The following RAD51B variants were observed in gnomAD, a reference collection of about 807,000 sequenced individuals.
RAD51B encodes RAD51 paralog B.
A neutral mutation model predicts 42.2 loss-of-function variants in RAD51B; 38 were observed. The observed-to-expected ratio is 0.90, with a 90% CI of 0.70 to 1.18. RAD51B has a LOEUF of 1.18. RAD51B is among the 50% of genes most tolerant of loss of function. The pLI is 0.00. For synonymous variants in RAD51B, 154 were observed against 145.2 expected (o/e 1.06, Z -0.43); for missense variants, 373 against 400.7 (o/e 0.93, Z 0.59).
At chr14:68,292,082 T>C in intron 8 of RAD51B, 102 bp downstream of exon 8, 1 of 1,096,876 alleles carries the variant, frequency 9.1e-7, no homozygotes, top group Non-Finnish European at 1.4e-6. Flanking sequence ...TAATAGGCCC[T>C]GGCCAGTGAA....
intron 9 of RAD51B, among the ~76,000 whole-genome samples, chr14:68,462,220 A>G (rs1436174233): frequency 1.3e-5 from 2 of 152,168 alleles, no homozygotes; most frequent in Admixed American, 6.5e-5. Flanking sequence ...TTGTTGATGG[A>G]TGGATTGAAT....
chr14:68,108,196 A>G lies in RAD51B; in HGVS notation c.757-183688A>G, dbSNP rs2140573791. On this transcript the variant is annotated intron_variant, in intron 7 of 10. Coordinates refer to ENST00000471583, the MANE Select transcript of RAD51B (RefSeq NM_133510.4). ...ATAACAAGTGTTGGTAAGAATATAAAAAAAATGGGAACTCACATTCCTCAA... is the reference window on the plus strand; with the variant it reads ...ATAACAAGTGTTGGTAAGAATATAAGAAAAATGGGAACTCACATTCCTCAA... 2.0e-5 allele frequency among the ~76,000 whole-genome samples: 3 copies of G among 152,014 alleles called. No homozygotes were observed. The South Asian group carries it at 6.2e-4, about 31-fold the overall frequency.
chr14:68,677,332 T>C (rs1030028698), intron 11 of RAD51B, among the ~76,000 whole-genome samples: 1 of 152,078 alleles, frequency 6.6e-6, no homozygotes, highest in Non-Finnish European at 1.5e-5. Flanking sequence ...GCGGGAGAGA[T>C]TCCTTGCGCA....
chr14:68,365,290 A>G (rs969174791), intron 8 of RAD51B, among the ~76,000 whole-genome samples: 4 of 152,254 alleles, frequency 2.6e-5, no homozygotes, highest in Non-Finnish European at 5.9e-5. Flanking sequence ...CGGTGAGGAA[A>G]GATGTGAAGT....
intron 10 of RAD51B, among the ~76,000 whole-genome samples, chr14:68,525,493 A>G (rs960389274): frequency 2.6e-5 from 4 of 152,218 alleles, no homozygotes; most frequent in Admixed American, 2.6e-4. Flanking sequence ...AGTGAAAATC[A>G]TGGTGGTCAC....
At position 67,829,494 on chromosome 14, in the gene RAD51B, G is replaced by A. The variant is rs1033314438; in HGVS notation, c.198+3917G>A. On this transcript the variant is annotated intron_variant, in intron 3 of 10. Transcript: ENST00000471583. ...CCTGACCTCATGATCCGCCCGCCTC[G>A]GCCTCCCAAAGTGCTGGGATTACAG... Among the ~76,000 whole-genome samples the A allele has an allele frequency of 3.9e-5, 6 of 152,146 alleles. No homozygotes were observed. The South Asian group carries it at 1.0e-3, about 26-fold the overall frequency.
intron 7 of RAD51B, among the ~76,000 whole-genome samples, chr14:68,255,702 C>T (rs2080740071): frequency 6.6e-6 from 1 of 152,196 alleles, no homozygotes; most frequent in Non-Finnish European, 1.5e-5. Context: ...ATGATCTCAC[C>T]TATCTGCTGC....
rs889968735 is a variant in RAD51B, at chr14:68,563,770, C to T, written c.1037-30715C>T. On this transcript the variant is annotated intron_variant, in intron 10 of 10. Coordinates refer to the RAD51B transcript ENST00000487270. ...GGAGAGGACTGTATAAACTCTGAGG[C>T]GTAACCTGATTTTCCGTAAGAAACG... The T allele has an allele frequency of 3.0e-6, 3 of 985,022 alleles. No individual in the cohort carries two copies. In the African/African-American group the frequency reaches 5.2e-5, roughly 17 times the overall value. 61.0% of individuals were successfully genotyped at this position (985,022 alleles called of 1,614,324 possible).
chr14:68,092,079 C>T (rs1417690782), intron 7 of RAD51B, among the ~76,000 whole-genome samples: 4 of 152,172 alleles, frequency 2.6e-5, no homozygotes, highest in Non-Finnish European at 5.9e-5. Flanking sequence ...GGCACCAGTA[C>T]CATGCTGTTT....
rs1176968541 is a variant in RAD51B at position 68,565,837 on chromosome 14, G to C, written c.1037-28648G>C. 1.3e-5 allele frequency among the ~76,000 whole-genome samples: 2 copies of C among 152,176 alleles called. No homozygotes were observed. Among genetic ancestry groups the C allele is most frequent in the African/African-American group, 4.8e-5 (2 of 41,442 alleles). ...GGAGAATGGTGTCTCACTCCATCCA[G>C]TTCTCCCAGTGCAACTGGGGAGGGT... is the stretch of plus-strand genomic sequence containing the variant. On this transcript the variant is annotated intron_variant, in intron 10 of 10. Coordinates refer to the RAD51B transcript ENST00000487270. This position sits in a 1 kb window ranked among gnomAD's most constrained non-coding sequence, Gnocchi z 4.1.
At chr14:68,632,021 C>T (rs759800155) in intron 10 of RAD51B, among the ~76,000 whole-genome samples, 1 of 152,218 alleles carries the variant, frequency 6.6e-6, no homozygotes, top group Non-Finnish European at 1.5e-5. Context: ...TCAGGAAGAC[C>T]TCTTCAGCAA....
chr14:68,465,434 C>A (rs2085950238), intron 9 of RAD51B, among the ~76,000 whole-genome samples: 1 of 152,194 alleles, frequency 6.6e-6, no homozygotes, highest in African/African-American at 2.4e-5. Context: ...TGCCTAGAAC[C>A]TGGCTACTCA....
At chr14:68,645,858 G>C (rs1266998177) in intron 10 of RAD51B, among the ~76,000 whole-genome samples, 1 of 152,032 alleles carries the variant, frequency 6.6e-6, no homozygotes, top group Non-Finnish European at 1.5e-5. Context: ...TTGCAACAGA[G>C]AATTTGTGCA....
intron 8 of RAD51B, among the ~76,000 whole-genome samples, chr14:68,330,137 T>TA (rs2082320549): frequency 1.3e-5 from 2 of 152,208 alleles, no homozygotes; most frequent in African/African-American, 4.8e-5. Context: ...ATTAATAAGA[T>TA]ACTAGCAAAG....
chr14:68,561,883 A>G, intron 10 of RAD51B: 1 of 860,244 alleles, frequency 1.2e-6, no homozygotes. Flanking sequence ...GAAAAGGAGG[A>G]CAACAGTCTT....
chr14:68,120,025 C>A (rs1278770993), intron 7 of RAD51B, among the ~76,000 whole-genome samples: 104 of 152,126 alleles, frequency 6.8e-4, no homozygotes, highest in Non-Finnish European at 1.2e-3. Flanking sequence ...CTGGTGTGAG[C>A]TGGTATCTCA....
intron 7 of RAD51B, among the ~76,000 whole-genome samples, chr14:68,033,656 G>A (rs1422286458): frequency 6.6e-6 from 1 of 152,202 alleles, no homozygotes; most frequent in East Asian, 1.9e-4. Flanking sequence ...TAGAAAGCAT[G>A]AGGAGGGCAG....
intron 4 of RAD51B, among the ~76,000 whole-genome samples, chr14:67,838,733 A>G (rs931275951): frequency 6.6e-6 from 1 of 152,008 alleles, no homozygotes; most frequent in African/African-American, 2.4e-5. Flanking sequence ...GGTGTGAGCT[A>G]CTGCGCCTGG....
chr14:67,846,657 G>C (rs774903047), intron 4 of RAD51B, among the ~76,000 whole-genome samples: 3 of 152,140 alleles, frequency 2.0e-5, no homozygotes, highest in Non-Finnish European at 4.4e-5. Context: ...CCTCAGTTGG[G>C]CATCCGAGGG....
Sources: gnomAD v4.1 joint callset for allele counts (sites outside exome capture counted in the v4.1 genomes callset) on GRCh38, gnomAD v4.1.1 for gene constraint, Gnocchi (gnomAD v3.1) non-coding constraint, MANE v1.5 for transcripts, NCBI Gene and HGNC (gene_info 2026-07-23, HGNC 2026-07-21) for gene names.